Variants in NSUN7 observed in about 807,000 individuals in gnomAD.
NSUN7 encodes the protein NOP2/Sun RNA methyltransferase family member 7.
A neutral mutation model predicts 58.5 loss-of-function variants in NSUN7; 39 were observed. That is an observed-to-expected ratio of 0.67 (90% CI 0.52 to 0.87). NSUN7 has a LOEUF of 0.87. Ranked by LOEUF, NSUN7 falls within the 40% of genes least tolerant of loss-of-function variation. The probability of loss-of-function intolerance (pLI) is 0.00; values close to 1 mark genes in which losing one functional copy is unlikely to be tolerated. For synonymous variants in NSUN7, 278 were observed against 303.7 expected (o/e 0.92, Z 0.88); for missense variants, 765 against 844.1 (o/e 0.91, Z 1.16).
intron 10 of NSUN7, among the ~76,000 whole-genome samples, chr4:40,800,210 G>A (rs1475472249): frequency 3.9e-5 from 6 of 152,116 alleles, no homozygotes; most frequent in Non-Finnish European, 8.8e-5. Context: ...GTTACTGATT[G>A]TATTTTCATT....
intron 5 of NSUN7, 118 bp from the exon 6 acceptor site, chr4:40,774,649 C>T: frequency 5.5e-6 from 4 of 729,420 alleles, no homozygotes; most frequent in Non-Finnish European, 9.0e-6. Flanking sequence ...ATTGTTAGTT[C>T]CATTAGATGT....
chr4:40,788,366 C>A (rs1004601202), intron 7 of NSUN7, among the ~76,000 whole-genome samples: 1 of 152,132 alleles, frequency 6.6e-6, no homozygotes, highest in African/African-American at 2.4e-5. Flanking sequence ...GTAAAGAAAT[C>A]TAAAAGCCAA....
chr4:40,786,198 CTGTGCTG>C, intron 7 of NSUN7: 1 of 1,613,898 alleles, frequency 6.2e-7, no homozygotes. Context: ...TGGGTTTGGA[CTGTGCTG>C]GAAAGACAAC....
intron 8 of NSUN7, among the ~76,000 whole-genome samples, chr4:40,792,617 G>A (rs1743131798): frequency 6.6e-6 from 1 of 152,154 alleles, no homozygotes; most frequent in Admixed American, 6.5e-5. Context: ...CGGGCGAGGT[G>A]GCGGGCGCCT....
In NSUN7 at chr4:40,809,055, A is replaced by G. The variant is rs1323911713; in HGVS notation, c.*116A>G. On this transcript the variant is annotated 3_prime_UTR_variant, in exon 12 of 12. Transcript: ENST00000381782. ...TATTCATTCTTTTGGTCACCTAGGGATCTTCTAAGTGTGATATTACTTTCA... is the reference window on the plus strand; with the variant it reads ...TATTCATTCTTTTGGTCACCTAGGGGTCTTCTAAGTGTGATATTACTTTCA... 9.3e-7 allele frequency: 1 copy of G among 1,075,526 alleles called. No individual in the cohort carries two copies. The highest frequency in any genetic ancestry group is 1.6e-5 in the African/African-American group (1 of 62,598). 66.6% of individuals were successfully genotyped at this position (1,075,526 alleles called of 1,614,324 possible).
At chr4:40,792,027 A>G (rs1560560586) in intron 8 of NSUN7, among the ~76,000 whole-genome samples, 1 of 152,204 alleles carries the variant, frequency 6.6e-6, no homozygotes, top group Non-Finnish European at 1.5e-5. Flanking sequence ...ACTGTACCAC[A>G]TGGAATTTTG....
chr4:40,770,210 C>CAAAA (rs36059628), intron 4 of NSUN7, among the ~76,000 whole-genome samples: 1 of 94,766 alleles, frequency 1.1e-5, no homozygotes, highest in Non-Finnish European at 2.1e-5. Flanking sequence ...AACTCCATCT[C>CAAAA]AAAAAAAAAA....
intron 11 of NSUN7, among the ~76,000 whole-genome samples, chr4:40,807,884 A>G (rs1743877295): frequency 6.6e-6 from 1 of 152,106 alleles, no homozygotes; most frequent in South Asian, 2.1e-4. Flanking sequence ...CTACTAAAAT[A>G]CAAAAATCAG....
chr4:40,751,122 G>A (rs1307258456), intron 2 of NSUN7, 131 bp downstream of exon 2: 1 of 950,114 alleles, frequency 1.1e-6, no homozygotes, highest in East Asian at 2.5e-5. Context: ...CATATCTTTG[G>A]TTAATTGCAA....
intron 7 of NSUN7, among the ~76,000 whole-genome samples, chr4:40,788,791 G>T (rs1742950787): frequency 1.3e-5 from 2 of 152,162 alleles, no homozygotes; most frequent in Non-Finnish European, 2.9e-5. Context: ...AGGTTTGGGG[G>T]CAGGGAGGTG....
chr4:40,765,555 G>T (rs1414152919), intron 4 of NSUN7, among the ~76,000 whole-genome samples: 1 of 151,814 alleles, frequency 6.6e-6, no homozygotes, highest in African/African-American at 2.4e-5. Context: ...GATTGACTTG[G>T]CGATGTGGGC....
rs1742196977 is a variant in NSUN7 at position 40,774,954 on chromosome 4, A to G, written c.825+4A>G. On this transcript the variant is annotated splice_donor_region_variant and intron_variant, in intron 6 of 11. Transcript: ENST00000381782. Reference sequence around the variant, plus strand: ...AGATTACAAACTTATATTTCAGGTAAACTAATATTTACTTTCATTGTGATT... The same window carrying G: ...AGATTACAAACTTATATTTCAGGTAGACTAATATTTACTTTCATTGTGATT... 1 of 1,072,370 alleles carries G rather than the reference A, an allele frequency of 9.3e-7. No homozygotes were observed. 66.4% of individuals were successfully genotyped at this position (1,072,370 alleles called of 1,614,324 possible). A position where few individuals can be genotyped will look rare whatever the true frequency, so the allele number is the denominator to read the frequency against.
chr4:40,751,155 A>G (rs76368722), intron 2 of NSUN7, among the ~76,000 whole-genome samples, 164 bp downstream of exon 2: 1 of 152,222 alleles, frequency 6.6e-6, no homozygotes, highest in Non-Finnish European at 1.5e-5. Context: ...TAGGGTTCCC[A>G]TGAAACTAGC....
rs1050026473 is a variant in NSUN7, at chr4:40,787,854, C to T, written c.1037-2748C>T. ...CTTTTATTTATTTATTTTTTTGAGA[C>T]GGAGTCTTGCTCTGTCGCCCAGACG... On this transcript the variant is annotated intron_variant, in intron 7 of 11. Coordinates refer to ENST00000381782, the MANE Select transcript of NSUN7 (RefSeq NM_024677.6). Among the ~76,000 whole-genome samples, 11 of 152,078 alleles carry T rather than the reference C, an allele frequency of 7.2e-5. No homozygotes were observed. In the South Asian group the frequency reaches 8.3e-4, roughly 11 times the overall value.
At chr4:40,781,469 C>T (rs1240328873) in intron 7 of NSUN7, among the ~76,000 whole-genome samples, 4 of 151,992 alleles carry the variant, frequency 2.6e-5, no homozygotes, top group Admixed American at 6.6e-5. Context: ...TTTATAGAGA[C>T]GGGGTCTCGC....
intron 7 of NSUN7, among the ~76,000 whole-genome samples, chr4:40,781,248 C>A (rs1742551845): frequency 6.6e-6 from 1 of 152,008 alleles, no homozygotes; most frequent in Non-Finnish European, 1.5e-5. Context: ...TAAAGACATG[C>A]TATGTTGGCC....
intron 7 of NSUN7, among the ~76,000 whole-genome samples, chr4:40,778,652 T>C (rs1742382018): frequency 6.6e-6 from 1 of 152,204 alleles, no homozygotes; most frequent in Non-Finnish European, 1.5e-5. Context: ...AGAAATAAAA[T>C]TCTTTTGTTT....
intron 10 of NSUN7, among the ~76,000 whole-genome samples, chr4:40,802,928 C>T: frequency 1.0e-5 from 1 of 99,590 alleles, no homozygotes; most frequent in African/African-American, 3.9e-5. Context: ...TCGTGCTAAC[C>T]CTCCCCCCTC....
At chr4:40,760,359 A>T in intron 2 of NSUN7, 75 bp from the exon 3 acceptor site, 1 of 1,018,124 alleles carries the variant, frequency 9.8e-7, no homozygotes. Context: ...TGGCATTATT[A>T]CAGTGTATTT....
Sources: gnomAD v4.1 joint callset for allele counts (sites outside exome capture counted in the v4.1 genomes callset) on GRCh38, gnomAD v4.1.1 for gene constraint, MANE v1.5 for transcripts, NCBI Gene and HGNC (gene_info 2026-07-23, HGNC 2026-07-21) for gene names.